The following MCTP1 variants were observed in gnomAD, a reference collection of about 807,000 sequenced individuals.
MCTP1 encodes multiple C2 and transmembrane domain-containing protein 1.
In MCTP1, 69 loss-of-function variants were observed where a neutral mutation model predicts 120.6. The observed-to-expected ratio is 0.57, with a 90% CI of 0.47 to 0.70. MCTP1 has a LOEUF of 0.70. Ranked by LOEUF, MCTP1 falls within the 30% of genes least tolerant of loss-of-function variation. MCTP1 has a pLI of 0.00. For missense variants in MCTP1, 1,203 were observed against 1,248.8 expected, an observed-to-expected ratio of 0.96 and a Z score of 0.55; for synonymous variants, 529 against 493.1, an observed-to-expected ratio of 1.07 and a Z score of -0.96.
chr5:95,009,056 AAGAGAG>A (rs201724037), intron 2 of MCTP1, among the ~76,000 whole-genome samples: 8,346 of 128,470 alleles, frequency 0.065, 326 homozygotes, highest in East Asian at 0.2. Context: ...GAGAGGGAGA[AAGAGAG>A]AGAGAGAGAG....
intron 17 of MCTP1, among the ~76,000 whole-genome samples, chr5:94,801,099 A>G (rs1781135788): frequency 6.6e-6 from 1 of 152,120 alleles, no homozygotes; most frequent in Non-Finnish European, 1.5e-5. Flanking sequence ...AAAAGGGAAA[A>G]TCATTTTTGG....
chr5:94,920,385 T>A (rs1472115976), intron 7 of MCTP1, among the ~76,000 whole-genome samples: 2 of 152,048 alleles, frequency 1.3e-5, no homozygotes, highest in East Asian at 1.9e-4. Flanking sequence ...GGGTGGATGT[T>A]ACCTATGGTT....
At position 94,917,802 on chromosome 5, in the gene MCTP1, A is replaced by G. The variant is rs902998864; in HGVS notation, c.1350+94T>C. On this transcript the variant is annotated intron_variant, in intron 8 of 22. Transcript: ENST00000515393. ...TCATATCTACAAAATAGGTTAGTAT[A>G]GGGAGTGGGTTTTCAGTACAGTAAG... 26 of 876,156 alleles carry G rather than the reference A, an allele frequency of 3.0e-5. No individual in the cohort carries two copies. In the African/African-American group the frequency reaches 4.2e-4, roughly 14 times the overall value. The allele number at this position is 876,156 out of a possible 1,614,324, so 54.3% of individuals were successfully genotyped here.
intron 1 of MCTP1, among the ~76,000 whole-genome samples, chr5:95,254,530 C>T (rs1757685979): frequency 6.6e-6 from 1 of 152,152 alleles, no homozygotes; most frequent in Admixed American, 6.6e-5. Context: ...TAATGATCTA[C>T]ATATGATGCC....
intron 1 of MCTP1, among the ~76,000 whole-genome samples, chr5:95,100,912 A>G (rs1756674566): frequency 1.3e-5 from 2 of 152,220 alleles, no homozygotes; most frequent in South Asian, 4.1e-4. Flanking sequence ...TAGAGAAAAT[A>G]TTTATTCCAA....
At chr5:95,264,918 T>G in intron 1 of MCTP1, among the ~76,000 whole-genome samples, 1 of 152,148 alleles carries the variant, frequency 6.6e-6, no homozygotes, top group East Asian at 1.9e-4. Flanking sequence ...GACAGAGACC[T>G]GATGACTGAG....
intron 1 of MCTP1, among the ~76,000 whole-genome samples, chr5:95,283,201 G>A (rs536391523): frequency 3.9e-5 from 6 of 152,292 alleles, no homozygotes; most frequent in African/African-American, 1.2e-4. Flanking sequence ...GATGTATAAA[G>A]CAGCATACTT....
At chr5:94,721,664 G>A (rs536724246) in intron 19 of MCTP1, among the ~76,000 whole-genome samples, 1 of 152,086 alleles carries the variant, frequency 6.6e-6, no homozygotes, top group African/African-American at 2.4e-5. Flanking sequence ...AATGGATAAT[G>A]GAATTGCTGT....
intron 1 of MCTP1, among the ~76,000 whole-genome samples, chr5:95,216,396 G>A (rs534567183): frequency 2.6e-5 from 4 of 152,142 alleles, no homozygotes; most frequent in Non-Finnish European, 4.4e-5. Context: ...CCTTTCCAGA[G>A]AATTACTAAG....
chr5:95,026,329 G>A lies in MCTP1; in HGVS notation c.721-8845C>T, dbSNP rs1839252528. Among the ~76,000 whole-genome samples the A allele has an allele frequency of 5.3e-5, 8 of 152,134 alleles. No homozygotes were observed. The South Asian group carries it at 1.7e-3, about 32-fold the overall frequency. On this transcript the variant is annotated intron_variant, in intron 1 of 22. Coordinates refer to ENST00000515393, the MANE Select transcript of MCTP1 (RefSeq NM_024717.7). ...TTATATACCTTTAGTACTTTAAAAT[G>A]TACAATTAAATTATTTTTTACTACA...
rs572134898 is a variant in MCTP1 at position 94,889,374 on chromosome 5, G to A, written c.1840-402C>T. Among the ~76,000 whole-genome samples, 3 of 152,098 alleles carry A rather than the reference G, an allele frequency of 2.0e-5. No individual in the cohort carries two copies. The East Asian group carries it at 5.8e-4, about 29-fold the overall frequency. On this transcript the variant is annotated intron_variant, in intron 11 of 22. Coordinates refer to ENST00000515393, the MANE Select transcript of MCTP1 (RefSeq NM_024717.7). ...GAAGCTGAGGTGGGTGGATCACAAG[G>A]TCAGGAGTTCAAGACCAGCTTGGCC...
chr5:95,037,423 A>G (rs1272827570), intron 1 of MCTP1, among the ~76,000 whole-genome samples: 2 of 152,236 alleles, frequency 1.3e-5, no homozygotes, highest in Admixed American at 6.5e-5. Flanking sequence ...CCAAAAAGAC[A>G]GGAAGGAAAT....
intron 1 of MCTP1, among the ~76,000 whole-genome samples, chr5:95,139,416 T>G (rs1403953207): frequency 6.6e-6 from 1 of 152,222 alleles, no homozygotes; most frequent in Non-Finnish European, 1.5e-5. Flanking sequence ...CATTGCACCA[T>G]GTCAAATGAA....
chr5:94,959,069 A>G (rs1554154559), intron 2 of MCTP1, among the ~76,000 whole-genome samples: 1 of 152,156 alleles, frequency 6.6e-6, no homozygotes, highest in Non-Finnish European at 1.5e-5. Flanking sequence ...AAGCTTATCC[A>G]CCACAATCAA....
chr5:95,171,702 C>T (rs186357386), intron 1 of MCTP1, among the ~76,000 whole-genome samples: 20 of 152,268 alleles, frequency 1.3e-4, no homozygotes, highest in African/African-American at 3.6e-4. Flanking sequence ...TTGATCGAAT[C>T]GGTTACTGAA....
intron 1 of MCTP1, among the ~76,000 whole-genome samples, chr5:95,060,749 A>G (rs1197617372): frequency 6.6e-6 from 1 of 152,162 alleles, no homozygotes; most frequent in Admixed American, 6.5e-5. Flanking sequence ...AGGTGGGTGG[A>G]TCACCTGAGG....
At chr5:94,804,315 T>C (rs1781819797) in intron 17 of MCTP1, among the ~76,000 whole-genome samples, 1 of 152,238 alleles carries the variant, frequency 6.6e-6, no homozygotes, top group Non-Finnish European at 1.5e-5. Flanking sequence ...TCCTTTAGTC[T>C]CTTACCTATA....
intron 12 of MCTP1, among the ~76,000 whole-genome samples, chr5:94,876,220 C>T (rs1282604675): frequency 6.6e-6 from 1 of 152,130 alleles, no homozygotes; most frequent in Non-Finnish European, 1.5e-5. Flanking sequence ...CTTAAACAAA[C>T]AAAACCAATC....
chr5:95,088,004 C>A (rs1210880228), intron 1 of MCTP1, among the ~76,000 whole-genome samples: 1 of 152,178 alleles, frequency 6.6e-6, no homozygotes, highest in Non-Finnish European at 1.5e-5. Flanking sequence ...GAGCAAAATG[C>A]GCTGGGTGGG....
Sources: allele counts gnomAD v4.1 joint callset (sites outside exome capture counted in the v4.1 genomes callset), GRCh38; gene constraint gnomAD v4.1.1; transcripts MANE v1.5; gene names NCBI Gene and HGNC (gene_info 2026-07-23, HGNC 2026-07-21).